The following MYO5A variants were observed in gnomAD, a reference collection of about 807,000 sequenced individuals.
MYO5A encodes the protein unconventional myosin-Va.
In MYO5A, 98 loss-of-function variants were observed where a neutral mutation model predicts 249.7. The observed-to-expected ratio is 0.39, with a 90% CI of 0.33 to 0.46. The LOEUF is 0.46. MYO5A is among the 20% of genes least tolerant of loss of function. MYO5A has a pLI of 0.98. For synonymous variants in MYO5A, 778 were observed against 810.6 expected (o/e 0.96, Z 0.68); for missense variants, 1,696 against 2,308.8 (o/e 0.73, Z 5.44).
intron 7 of MYO5A, 25 bp downstream of exon 7, chr15:52,408,033 CA>C: frequency 7.1e-7 from 1 of 1,415,822 alleles, no homozygotes; most frequent in Non-Finnish European, 1.0e-6. Context: ...AATACCAGAA[CA>C]ATAAATTTAA....
At chr15:52,431,105 G>A (rs373918323) in intron 2 of MYO5A, among the ~76,000 whole-genome samples, 7 of 151,474 alleles carry the variant, frequency 4.6e-5, no homozygotes, top group African/African-American at 7.3e-5. Flanking sequence ...GGTGGCATGC[G>A]CCTGTAATCC....
In MYO5A at chr15:52,355,065, T is replaced by C. The variant is rs141477691; in HGVS notation, c.3424-1051A>G. ...TTATCTCAGAAGACGGAATGTACTA[T>C]GGGAAGGTTTCATTTTTTACATTGT... On this transcript the variant is annotated intron_variant, in intron 25 of 41. Transcript: ENST00000399233. Among the ~76,000 whole-genome samples, 349 of 152,332 alleles carry C rather than the reference T, an allele frequency of 2.3e-3. 2 individuals carry two copies. Among genetic ancestry groups the C allele is most frequent in the African/African-American group, 8.1e-3 (336 of 41,578 alleles).
rs2038838043 is a variant in MYO5A at position 52,330,470 on chromosome 15, G to T, written c.4438C>A (p.Gln1480Lys). The T allele has an allele frequency of 6.2e-7, 1 of 1,613,994 alleles. No individual in the cohort carries two copies. Among genetic ancestry groups the T allele is most frequent in the Non-Finnish European group, 8.5e-7 (1 of 1,179,958 alleles). ...GGTCGGATGGGTTCATCAATGATCT[G>T]TCCTGGGGATATGTTCTCCATCTGG... is the stretch of plus-strand genomic sequence containing the variant. ...VGQMENISPG[Q>K]IIDEPIRPVN... Residue 1480 changes from glutamine to lysine, a missense_variant, in exon 35 of 42, where the codon CAG (glutamine) becomes AAG (lysine). Around this residue, in one of 5 missense-constraint regions of MYO5A, gnomAD observed 625 missense variants for 908.1 expected, o/e 0.69. Coordinates refer to ENST00000399233, the MANE Select transcript of MYO5A (RefSeq NM_001382347.1).
intron 1 of MYO5A, among the ~76,000 whole-genome samples, chr15:52,482,412 G>T (rs1351973962): frequency 2.0e-5 from 3 of 152,128 alleles, no homozygotes; most frequent in Admixed American, 2.0e-4. Flanking sequence ...CCAGAGCTGG[G>T]AAAAAGAGGA....
chr15:52,325,701 C>T (rs1007279646), intron 36 of MYO5A, among the ~76,000 whole-genome samples: 16 of 151,976 alleles, frequency 1.1e-4, no homozygotes, highest in African/African-American at 3.9e-4. Flanking sequence ...AGCACCCAGC[C>T]CACTTTTAAA....
chr15:52,379,998 T>C, intron 16 of MYO5A, 90 bp from the exon 17 acceptor site: 1 of 1,293,566 alleles, frequency 7.7e-7, no homozygotes. Flanking sequence ...AATTCTTTCG[T>C]AAGAGCAAAA....
At chr15:52,380,012 A>C (rs2041650114) in intron 16 of MYO5A, 104 bp from the exon 17 acceptor site, 1 of 1,111,216 alleles carries the variant, frequency 9.0e-7, no homozygotes, top group South Asian at 1.3e-5. Flanking sequence ...AGCAAAATGG[A>C]TAAATCAGAA....
Position 52,479,628 on chromosome 15 carries a change from G to A in MYO5A, c.28-46343C>T, listed in dbSNP as rs567107902. On this transcript the variant is annotated intron_variant, in intron 1 of 41. Coordinates refer to ENST00000399233, the MANE Select transcript of MYO5A (RefSeq NM_001382347.1). Reference sequence around the variant, plus strand: ...GACATGGAAAGATACTGTTAATTGAGAAAGAGCAAGCTGTAAAACATCATC... The same window carrying A: ...GACATGGAAAGATACTGTTAATTGAAAAAGAGCAAGCTGTAAAACATCATC... Among the ~76,000 whole-genome samples, 53 of 152,264 alleles carry A rather than the reference G, an allele frequency of 3.5e-4. 1 individual carries two copies. Among genetic ancestry groups the A allele is most frequent in the Admixed American group, 1.1e-3 (17 of 15,296 alleles).
Position 52,313,015 on chromosome 15 carries a change from T to C in MYO5A, c.*681A>G, listed in dbSNP as rs2037834864. 6.5e-6 allele frequency: 1 copy of C among 152,750 alleles called. No individual in the cohort carries two copies. Among genetic ancestry groups the C allele is most frequent in the Non-Finnish European group, 1.5e-5 (1 of 68,108 alleles). The allele number at this position is 152,750 out of a possible 1,614,324, so 9.5% of individuals were successfully genotyped here. A position where few individuals can be genotyped will look rare whatever the true frequency, so the allele number is the denominator to read the frequency against. ...AAACAGAATTGACAAGAGAAACTTA[T>C]TGTAGTGCCTAATATCACTTACATT... On this transcript the variant is annotated 3_prime_UTR_variant, in exon 42 of 42. Coordinates refer to ENST00000399233, the MANE Select transcript of MYO5A (RefSeq NM_001382347.1).
At chr15:52,368,602 T>G (rs1432325156) in intron 22 of MYO5A, among the ~76,000 whole-genome samples, 1 of 152,166 alleles carries the variant, frequency 6.6e-6, no homozygotes, top group Non-Finnish European at 1.5e-5. Context: ...TATCACTACA[T>G]TCCATCAAAA....
At chr15:52,464,424 G>A (rs2076314245) in intron 1 of MYO5A, among the ~76,000 whole-genome samples, 1 of 152,040 alleles carries the variant, frequency 6.6e-6, no homozygotes, top group South Asian at 2.1e-4. Context: ...TCTCTTCTTA[G>A]GACTAGTTCC....
At chr15:52,367,905 ACACACACAC>A (rs1162517052) in intron 22 of MYO5A, among the ~76,000 whole-genome samples, 1 of 151,404 alleles carries the variant, frequency 6.6e-6, no homozygotes, top group Non-Finnish European at 1.5e-5. Flanking sequence ...ACACACACAC[ACACACACAC>A]AAGTTGACTC....
chr15:52,357,452 C>CAAAAA (rs35645503), intron 25 of MYO5A, among the ~76,000 whole-genome samples: 1 of 93,734 alleles, frequency 1.1e-5, no homozygotes, highest in African/African-American at 3.2e-5. Context: ...CTAGAACTAG[C>CAAAAA]AAAAAAAAAA....
intron 19 of MYO5A, among the ~76,000 whole-genome samples, chr15:52,375,809 G>C (rs926291668): frequency 6.6e-6 from 1 of 152,170 alleles, no homozygotes; most frequent in Non-Finnish European, 1.5e-5. Flanking sequence ...AGAACAGACA[G>C]ACATACACAG....
chr15:52,405,059 A>T (rs762882156), intron 9 of MYO5A, among the ~76,000 whole-genome samples: 9,932 of 129,724 alleles, frequency 0.077, 388 homozygotes, highest in East Asian at 0.19. Flanking sequence ...TGTCACACAC[A>T]CACACACACA....
intron 9 of MYO5A, among the ~76,000 whole-genome samples, chr15:52,399,380 C>A (rs1029009852): frequency 6.6e-6 from 1 of 152,126 alleles, no homozygotes; most frequent in African/African-American, 2.4e-5. Flanking sequence ...TCACTGTAGC[C>A]TCAAACTCCT....
rs927700705 is a variant in MYO5A, at chr15:52,310,401, T to A, written c.*3295A>T. ...AAGTTGTAAGGGTGTGAGGTGAGTCTGCATGTAGTAAGGTGAATGGGGAGG... is the reference window on the plus strand; with the variant it reads ...AAGTTGTAAGGGTGTGAGGTGAGTCAGCATGTAGTAAGGTGAATGGGGAGG... On this transcript the variant is annotated 3_prime_UTR_variant, in exon 42 of 42. Coordinates refer to ENST00000399233, the MANE Select transcript of MYO5A (RefSeq NM_001382347.1). 2 of 152,254 alleles carry A rather than the reference T, an allele frequency of 1.3e-5. No homozygotes were observed. The highest frequency in any genetic ancestry group is 4.8e-5 in the African/African-American group (2 of 41,460). 9.4% of individuals were successfully genotyped at this position (152,254 alleles called of 1,614,324 possible). A position where few individuals can be genotyped will look rare whatever the true frequency, so the allele number is the denominator to read the frequency against.
intron 1 of MYO5A, among the ~76,000 whole-genome samples, chr15:52,439,728 T>C (rs1255338388): frequency 6.6e-6 from 1 of 151,670 alleles, no homozygotes; most frequent in Admixed American, 6.6e-5. Context: ...ACTCATGAAG[T>C]AGTAGGTAAA....
At chr15:52,383,517 C>T (rs1245343161) in intron 15 of MYO5A, among the ~76,000 whole-genome samples, 1 of 152,180 alleles carries the variant, frequency 6.6e-6, no homozygotes. Flanking sequence ...GCTATTTAAT[C>T]ACATAAAGTG....
Sources: gnomAD v4.1 joint callset for allele counts (sites outside exome capture counted in the v4.1 genomes callset) on GRCh38, gnomAD v4.1.1 for gene constraint, gnomAD v4.1.1 regional missense constraint, MANE v1.5 for transcripts, NCBI Gene and HGNC (gene_info 2026-07-23, HGNC 2026-07-21) for gene names.